ZNF235: variants seen among roughly 807,000 people sequenced by gnomAD.
The protein encoded by ZNF235 is zfp-93.
In ZNF235, 25 loss-of-function variants were observed where a neutral mutation model predicts 29.4. The ratio of observed to expected loss-of-function variants is 0.85; its 90% CI spans 0.62 to 1.19. ZNF235 has a LOEUF of 1.19. Ranked by LOEUF, ZNF235 falls within the 50% of genes most tolerant of loss-of-function variation. The pLI, the probability that ZNF235 is intolerant of heterozygous loss-of-function variation, is 0.00. For synonymous variants in ZNF235, 300 were observed against 295.3 expected (o/e 1.02, Z -0.16); for missense variants, 788 against 885.0 (o/e 0.89, Z 1.39).
Position 44,287,136 on chromosome 19 carries a change from CT to C in ZNF235, c.*81del. 1 of 1,413,330 alleles carries C rather than the reference CT, an allele frequency of 7.1e-7. No individual in the cohort carries two copies. The highest frequency in any genetic ancestry group is 1.6e-5 in the South Asian group (1 of 64,398). 87.5% of individuals were successfully genotyped at this position (1,413,330 alleles called of 1,614,324 possible). A position where few individuals can be genotyped will look rare whatever the true frequency, so the allele number is the denominator to read the frequency against. ...TTTGAAGCTTCTAGTTTTAAAGGAACTTTTCACAATCATCAGCATGGACTTC... is the reference window on the plus strand; with the variant it reads ...TTTGAAGCTTCTAGTTTTAAAGGAACTTTCACAATCATCAGCATGGACTTC... On this transcript the variant is annotated 3_prime_UTR_variant, in exon 5 of 5. Coordinates refer to ENST00000291182, the MANE Select transcript of ZNF235 (RefSeq NM_004234.4).
intron 4 of ZNF235, among the ~76,000 whole-genome samples, chr19:44,296,192 T>C (rs1975651842): frequency 1.3e-5 from 2 of 152,188 alleles, no homozygotes; most frequent in African/African-American, 4.8e-5. Context: ...GATAAATCTA[T>C]GGGTGATATG....
rs1158076363 is a variant in ZNF235, at chr19:44,287,318, G to A, written c.2117C>T (p.Thr706Ile). 6.2e-7 allele frequency: 1 copy of A among 1,613,926 alleles called. No individual in the cohort carries two copies. Among genetic ancestry groups the A allele is most frequent in the African/African-American group, 1.3e-5 (1 of 74,916 alleles). The change falls in exon 5 of 5, where the codon ACT becomes ATT. Residue 706 changes from threonine (T) to isoleucine (I), a missense_variant. By Grantham distance (89) the Thr-to-Ile change is moderately conservative. Transcript: ENST00000291182. ...ATCACATATGTAAGGCCTCTCTCCA[G>A]TGTGGACTCTCTGGTGTGTGTGAAA... ...SHFHTHQRVH[T>I]GERPYICDVC...
At chr19:44,303,551 G>T in intron 1 of ZNF235, 99 bp from the exon 2 acceptor site, 3 of 1,108,452 alleles carry the variant, frequency 2.7e-6, no homozygotes, top group Non-Finnish European at 2.6e-6. Flanking sequence ...CTGTCTCTAG[G>T]CAGACACAGT....
At chr19:44,298,728 T>C (rs1975689294) in intron 4 of ZNF235, 80 bp downstream of exon 4, 23 of 1,083,552 alleles carry the variant, frequency 2.1e-5, no homozygotes, top group Non-Finnish European at 3.0e-5. Flanking sequence ...GTCTCTCAGG[T>C]AGCTGAGTGG....
At position 44,289,008 on chromosome 19, in the gene ZNF235, C is replaced by T; in HGVS notation, c.427G>A (p.Val143Met). ...FPKHHDSPCQ[V>M]GAGESIQASV... ...GCTTGAATAGATTCTCCTGCTCCCACTTGACAGGGGGAATCATGGTGCTTG... is the reference window on the plus strand; with the variant it reads ...GCTTGAATAGATTCTCCTGCTCCCATTTGACAGGGGGAATCATGGTGCTTG... The change falls in exon 5 of 5, where the codon GTG becomes ATG. Residue 143 changes from valine (V) to methionine (M), a missense_variant. By Grantham distance (21) the Val-to-Met change is conservative (BLOSUM62 1). Coordinates refer to ENST00000291182, the MANE Select transcript of ZNF235 (RefSeq NM_004234.4). 3 of 1,614,114 alleles carry T rather than the reference C, an allele frequency of 1.9e-6. No homozygotes were observed. In the South Asian group the frequency reaches 3.3e-5, roughly 18 times the overall value.
At chr19:44,299,536 T>C (rs1975703539) in intron 3 of ZNF235, 70 bp downstream of exon 3, 1 of 1,585,058 alleles carries the variant, frequency 6.3e-7, no homozygotes, top group Non-Finnish European at 8.6e-7. Context: ...CACAGAATTA[T>C]CTGGCCCAAA....
chr19:44,303,012 ATATT>A (rs1405907938), intron 2 of ZNF235, among the ~76,000 whole-genome samples: 2 of 139,242 alleles, frequency 1.4e-5, no homozygotes, highest in African/African-American at 5.3e-5. Context: ...ATATACGTAT[ATATT>A]TATATAAAAT....
At chr19:44,295,025 A>G (rs1975635368) in intron 4 of ZNF235, among the ~76,000 whole-genome samples, 1 of 152,322 alleles carries the variant, frequency 6.6e-6, no homozygotes, top group Admixed American at 6.5e-5. Context: ...GAACTGGAAT[A>G]AAACAAGGAT....
chr19:44,299,742 C>T lies in ZNF235; in HGVS notation c.16-10G>A. The T allele has an allele frequency of 1.2e-6, 2 of 1,613,904 alleles. No individual in the cohort carries two copies. Among genetic ancestry groups the T allele is most frequent in the Non-Finnish European group, 1.7e-6 (2 of 1,179,900 alleles). ...TGAATGTCACTGCCTCCTAGAACAT[C>T]AAGCACATGTAACCTCAATCTCACA... is the stretch of plus-strand genomic sequence containing the variant. On this transcript the variant is annotated splice_polypyrimidine_tract_variant and intron_variant, in intron 2 of 4. Coordinates refer to ENST00000291182, the MANE Select transcript of ZNF235 (RefSeq NM_004234.4).
chr19:44,288,168 T>C lies in ZNF235; in HGVS notation c.1267A>G (p.Arg423Gly). The change falls in exon 5 of 5, where the codon AGA becomes GGA. Residue 423 changes from arginine (R) to glycine (G), a missense_variant. Coordinates refer to ENST00000291182, the MANE Select transcript of ZNF235 (RefSeq NM_004234.4). ...TQRSHLQAHE[R>G]IHTGEKPYKC... Reference sequence around the variant, plus strand: ...TATGGTTTCTCTCCAGTGTGAATTCTTTCATGGGCCTGAAGATGTGATCTC... The same window carrying C: ...TATGGTTTCTCTCCAGTGTGAATTCCTTCATGGGCCTGAAGATGTGATCTC... The C allele has an allele frequency of 6.2e-7, 1 of 1,614,114 alleles. No individual in the cohort carries two copies. The highest frequency in any genetic ancestry group is 8.5e-7 in the Non-Finnish European group (1 of 1,180,024).
At chr19:44,299,530 G>C in intron 3 of ZNF235, 76 bp downstream of exon 3, 1 of 1,575,272 alleles carries the variant, frequency 6.3e-7, no homozygotes, top group Non-Finnish European at 8.7e-7. Context: ...ATACAACACA[G>C]AATTATCTGG....
At chr19:44,294,245 A>C (rs1276063672) in intron 4 of ZNF235, among the ~76,000 whole-genome samples, 2 of 152,268 alleles carry the variant, frequency 1.3e-5, no homozygotes, top group East Asian at 3.9e-4. Flanking sequence ...CATAGAAATA[A>C]AAAACATGAT....
intron 4 of ZNF235, among the ~76,000 whole-genome samples, chr19:44,297,652 A>G (rs1256363832): frequency 1.3e-5 from 2 of 151,906 alleles, no homozygotes; most frequent in South Asian, 4.2e-4. Context: ...TAGTAGAGAC[A>G]GGGTTTCTCC....
chr19:44,302,642 C>T (rs1235289890), intron 2 of ZNF235, among the ~76,000 whole-genome samples: 2 of 151,406 alleles, frequency 1.3e-5, no homozygotes, highest in East Asian at 3.9e-4. Flanking sequence ...GTGGTCCCAC[C>T]TGCTCAAGAG....
rs774880065 is a variant in ZNF235 at position 44,287,376 on chromosome 19, G to A, written c.2059C>T (p.Gln687Ter). ...HTGEKPYTCQ[Q>*]CGKGFSQASH... The stretch of plus-strand genomic sequence containing the variant: ...GCCTGACTGAAGCCCTTCCCACACT[G>A]CTGACACGTATAGGGTTTCTCTCCT... Residue 687 changes from glutamine (Q) to a stop codon, truncating the protein, a stop_gained, in exon 5 of 5, where the codon CAG becomes TAG. Transcript: ENST00000291182. LOFTEE classifies it high-confidence loss of function. 6.2e-7 allele frequency: 1 copy of A among 1,608,764 alleles called. No homozygotes were observed. The highest frequency in any genetic ancestry group is 2.2e-5 in the East Asian group (1 of 44,572).
intron 1 of ZNF235, 121 bp from the exon 2 acceptor site, chr19:44,303,573 T>G (rs1975787027): frequency 1.3e-6 from 1 of 794,118 alleles, no homozygotes; most frequent in Admixed American, 2.7e-5. Flanking sequence ...GCACACGGCT[T>G]AGTGAGGAGA....
chr19:44,294,682 AT>A (rs1248561779), intron 4 of ZNF235, among the ~76,000 whole-genome samples: 2 of 151,716 alleles, frequency 1.3e-5, no homozygotes, highest in African/African-American at 2.4e-5. Context: ...ACAAACACAA[AT>A]CCCCCCACAA....
intron 4 of ZNF235, among the ~76,000 whole-genome samples, chr19:44,296,113 T>A (rs1286564263): frequency 2.6e-5 from 4 of 152,126 alleles, no homozygotes; most frequent in African/African-American, 9.7e-5. Flanking sequence ...AATAAATACA[T>A]ATGAGCCCAT....
At position 44,289,080 on chromosome 19, in the gene ZNF235, T is replaced by C. The variant is rs1377302218; in HGVS notation, c.355A>G (p.Ser119Gly). The change falls in exon 5 of 5, where the codon AGT (serine) becomes GGT (glycine). Residue 119 changes from serine to glycine, a missense_variant. Physicochemically the swap from Ser to Gly is moderately conservative, Grantham distance 56 (BLOSUM62 0). Coordinates refer to ENST00000291182, the MANE Select transcript of ZNF235 (RefSeq NM_004234.4). ...TCAATATTTATCATGGAGTCTTGAC[T>C]TCTGGCTAATTTGCTCGCAATGTGT... is the stretch of plus-strand genomic sequence containing the variant. Reference protein sequence around the residue: ...KRHIASKLARSQDSMINIEGK... With the variant: ...KRHIASKLARGQDSMINIEGK... The C allele has an allele frequency of 6.2e-7, 1 of 1,614,038 alleles. No homozygotes were observed. Among genetic ancestry groups the C allele is most frequent in the East Asian group, 2.2e-5 (1 of 44,892 alleles).
Sources: allele counts gnomAD v4.1 joint callset (sites outside exome capture counted in the v4.1 genomes callset), GRCh38; gene constraint gnomAD v4.1.1; transcripts MANE v1.5; gene names NCBI Gene and HGNC (gene_info 2026-07-23, HGNC 2026-07-21).